ZNF831: variants seen among roughly 807,000 people sequenced by gnomAD.
The protein encoded by ZNF831 is chromosome 20 open reading frame 174.
In ZNF831, 59 loss-of-function variants were observed where a neutral mutation model predicts 95.8. The observed-to-expected ratio is 0.62, with a 90% CI of 0.50 to 0.77. ZNF831 has a LOEUF of 0.77. ZNF831 is among the 30% of genes least tolerant of loss of function. ZNF831 has a pLI of 0.00. For missense variants in ZNF831, 2,205 were observed against 2,164.0 expected (o/e 1.02, Z -0.38); for synonymous variants, 961 against 925.5 (o/e 1.04, Z -0.70).
intron 4 of ZNF831, among the ~76,000 whole-genome samples, chr20:59,239,669 C>T (rs375686012): frequency 1.2e-4 from 18 of 151,974 alleles, no homozygotes; most frequent in Middle Eastern, 3.4e-3. Context: ...CTCAGCCTCC[C>T]GAGTAGCTGG....
At position 59,148,679 on chromosome 20, in the gene ZNF831, CAAAAAAAAAAAAAAAAAAAAAAAA is replaced by C. The variant is rs35635821; in HGVS notation, c.-1281+2327_-1281+2350del. Among the ~76,000 whole-genome samples the C allele has an allele frequency of 5.2e-3, 84 of 16,206 alleles. 3 individuals carry two copies. Among genetic ancestry groups the C allele is most frequent in the South Asian group, 0.012 (4 of 322 alleles). The allele number at this position is 16,206 out of a possible 152,430, so 10.6% of individuals were successfully genotyped here. A position where few individuals can be genotyped will look rare whatever the true frequency, so the allele number is the denominator to read the frequency against. ...TGGGCGACAGAGCGAAACTCCGTCT[CAAAAAAAAAAAAAAAAAAAAAAAA>C]AAAAAAAAAAAAAAAAAAAAAGAAC... is the stretch of plus-strand genomic sequence containing the variant. On this transcript the variant is annotated intron_variant, in intron 2 of 7. Coordinates refer to the ZNF831 transcript ENST00000637017.
intron 4 of ZNF831, among the ~76,000 whole-genome samples, chr20:59,240,285 T>G (rs1300037083): frequency 6.6e-6 from 1 of 152,174 alleles, no homozygotes; most frequent in Non-Finnish European, 1.5e-5. Context: ...AAAGGCTACC[T>G]CCCATTTTCT....
At chr20:59,218,326 A>C (rs1985838642) in intron 4 of ZNF831, among the ~76,000 whole-genome samples, 1 of 152,204 alleles carries the variant, frequency 6.6e-6, no homozygotes, top group Non-Finnish European at 1.5e-5. Context: ...TTCCCTGGTT[A>C]TCTTATTTTG....
chr20:59,186,201 C>G (rs867655428), intron 1 of ZNF831, among the ~76,000 whole-genome samples: 3 of 152,186 alleles, frequency 2.0e-5, no homozygotes, highest in Admixed American at 6.5e-5. Flanking sequence ...TCCTTCACCC[C>G]CAGCCTTCCC....
intron 1 of ZNF831, among the ~76,000 whole-genome samples, chr20:59,170,590 G>A (rs1305788093): frequency 1.3e-5 from 2 of 152,202 alleles, no homozygotes; most frequent in African/African-American, 4.8e-5. Flanking sequence ...GGTCCAATCA[G>A]GAAGTAGGAG....
intron 4 of ZNF831, among the ~76,000 whole-genome samples, chr20:59,223,286 A>T (rs1986218228): frequency 6.6e-6 from 1 of 152,094 alleles, no homozygotes; most frequent in Non-Finnish European, 1.5e-5. Context: ...TCTGCCGCAA[A>T]ATGCAGGCTC....
chr20:59,200,938 A>G (rs1984485466), intron 3 of ZNF831, among the ~76,000 whole-genome samples: 1 of 152,232 alleles, frequency 6.6e-6, no homozygotes, highest in South Asian at 2.1e-4. Flanking sequence ...AAATGACTAT[A>G]AATATTCATA....
chr20:59,174,141 C>T (rs2146501116), intron 1 of ZNF831, among the ~76,000 whole-genome samples: 1 of 152,236 alleles, frequency 6.6e-6, no homozygotes, highest in East Asian at 1.9e-4. Flanking sequence ...GGCTTTGGAG[C>T]TTGTGGCATG....
At chr20:59,246,685 G>C (rs1987624129) in intron 4 of ZNF831, among the ~76,000 whole-genome samples, 1 of 152,184 alleles carries the variant, frequency 6.6e-6, no homozygotes, top group African/African-American at 2.4e-5. Flanking sequence ...TGGTTATCTT[G>C]ATTGCCTTTC....
chr20:59,165,467 A>G (rs1981184888), intron 1 of ZNF831, among the ~76,000 whole-genome samples: 1 of 152,208 alleles, frequency 6.6e-6, no homozygotes, highest in Non-Finnish European at 1.5e-5. Context: ...AAAACACAGC[A>G]TGGAGAGTTT....
intron 1 of ZNF831, among the ~76,000 whole-genome samples, chr20:59,166,618 C>T (rs1296131481): frequency 1.3e-5 from 2 of 152,164 alleles, no homozygotes; most frequent in Non-Finnish European, 2.9e-5. Context: ...AATCACTAGT[C>T]TGTCCTCCAG....
Position 59,191,071 on chromosome 20 carries a change from G to C in ZNF831, c.52G>C (p.Ala18Pro), listed in dbSNP as rs1195063328. 2.0e-6 allele frequency: 3 copies of C among 1,518,172 alleles called. No homozygotes were observed. The highest frequency in any genetic ancestry group is 2.2e-5 in the Admixed American group (1 of 44,948). The allele number at this position is 1,518,172 out of a possible 1,614,324, so 94.0% of individuals were successfully genotyped here. A position where few individuals can be genotyped will look rare whatever the true frequency, so the allele number is the denominator to read the frequency against. The change falls in exon 2 of 6, where the codon GCT (alanine) becomes CCT (proline). Residue 18 changes from alanine (A) to proline (P), a missense_variant. Physicochemically the swap from Ala to Pro is conservative, Grantham distance 27. Transcript: ENST00000371030. Reference protein sequence around the residue: ...CPAPPARDQPAPTPGPPGAPG... With the variant: ...CPAPPARDQPPPTPGPPGAPG... ...TGCCCCTCCTGCGAGGGACCAGCCA[G>C]CTCCCACTCCTGGCCCTCCAGGGGC...
At chr20:59,219,655 G>T (rs141107435) in intron 4 of ZNF831, among the ~76,000 whole-genome samples, 1 of 152,160 alleles carries the variant, frequency 6.6e-6, no homozygotes, top group Non-Finnish European at 1.5e-5. Context: ...AGGGCATGTG[G>T]GAGAACCGAA....
upstream of ZNF831, among the ~76,000 whole-genome samples, chr20:59,161,727 G>C (rs1980880349): frequency 6.6e-6 from 1 of 152,196 alleles, no homozygotes; most frequent in East Asian, 1.9e-4. Flanking sequence ...AAACATACGA[G>C]TGCAGGTGTC....
At chr20:59,126,525 T>C (rs1005577817) in intron 1 of ZNF831, among the ~76,000 whole-genome samples, 1 of 152,208 alleles carries the variant, frequency 6.6e-6, no homozygotes, top group African/African-American at 2.4e-5. Context: ...TCTCTGATCT[T>C]GATTCTATAC....
chr20:59,207,628 A>G (rs1177668810), intron 4 of ZNF831, among the ~76,000 whole-genome samples: 1 of 152,230 alleles, frequency 6.6e-6, no homozygotes, highest in East Asian at 1.9e-4. Flanking sequence ...TTTAAGCTGC[A>G]ATCACTGGGC....
chr20:59,233,113 T>C lies in ZNF831; in HGVS notation c.4028-19865T>C, dbSNP rs1296628193. ...TTGCCCCAGGTTACATGGCTTGGTG[T>C]TGGCAGAGGCAGGATTTAAACCCAG... On this transcript the variant is annotated intron_variant, in intron 4 of 5. Coordinates refer to ENST00000371030, the MANE Select transcript of ZNF831 (RefSeq NM_178457.3). Among the ~76,000 whole-genome samples, 14 of 151,960 alleles carry C rather than the reference T, an allele frequency of 9.2e-5. No individual in the cohort carries two copies. In the South Asian group the frequency reaches 2.5e-3, roughly 27 times the overall value.
chr20:59,195,662 C>T (rs1345078966), intron 2 of ZNF831: 3 of 605,600 alleles, frequency 5.0e-6, no homozygotes, highest in Non-Finnish European at 6.2e-6. Flanking sequence ...GCGGATCAAG[C>T]CCAGGCGGGG....
intron 4 of ZNF831, among the ~76,000 whole-genome samples, chr20:59,242,677 G>T (rs1433321853): frequency 6.6e-6 from 1 of 152,210 alleles, no homozygotes; most frequent in Admixed American, 6.5e-5. Flanking sequence ...CTTTAGAAGA[G>T]ACAAACTTTC....
Sources: gnomAD v4.1 joint callset for allele counts (sites outside exome capture counted in the v4.1 genomes callset) on GRCh38, gnomAD v4.1.1 for gene constraint, MANE v1.5 for transcripts, NCBI Gene and HGNC (gene_info 2026-07-23, HGNC 2026-07-21) for gene names.